The following ZNF385B variants were observed in gnomAD, a reference collection of about 807,000 sequenced individuals.
The protein encoded by ZNF385B is zinc finger protein 533.
A neutral mutation model predicts 39.2 loss-of-function variants in ZNF385B; 23 were observed. That is an observed-to-expected ratio of 0.59 (90% CI 0.42 to 0.83). The LOEUF (loss-of-function observed/expected upper bound fraction) is 0.83, where lower values mean the gene tolerates loss of function less well. Among genes scored for constraint, ZNF385B ranks in the 40% least tolerant of loss-of-function variants. The pLI is 0.00. For missense variants in ZNF385B, 552 were observed against 598.9 expected (o/e 0.92, Z 0.82); for synonymous variants, 205 against 222.6 (o/e 0.92, Z 0.70).
intron 3 of ZNF385B, among the ~76,000 whole-genome samples, chr2:179,717,828 G>A (rs912820257): frequency 6.6e-6 from 1 of 152,184 alleles, no homozygotes; most frequent in African/African-American, 2.4e-5. Context: ...TGAGGATGAG[G>A]AAAGCGAAAA....
chr2:179,588,815 G>A (rs1687316891), intron 3 of ZNF385B, among the ~76,000 whole-genome samples: 1 of 152,162 alleles, frequency 6.6e-6, no homozygotes, highest in Non-Finnish European at 1.5e-5. Context: ...ATGGTGGTGA[G>A]TCTGAAAAGG....
chr2:179,778,880 C>T (rs1704502767), intron 1 of ZNF385B, among the ~76,000 whole-genome samples: 1 of 152,156 alleles, frequency 6.6e-6, no homozygotes, highest in African/African-American at 2.4e-5. Flanking sequence ...GAACCACAAA[C>T]ATTACATGTT....
chr2:179,763,571 A>G (rs62180384), intron 3 of ZNF385B, among the ~76,000 whole-genome samples: 7,243 of 151,974 alleles, frequency 0.048, 253 homozygotes, highest in Middle Eastern at 0.099. Flanking sequence ...ATTCTTTTCT[A>G]GCTTCTTGGT....
chr2:179,719,286 A>G (rs563755003), intron 3 of ZNF385B, among the ~76,000 whole-genome samples: 3 of 152,154 alleles, frequency 2.0e-5, no homozygotes, highest in Non-Finnish European at 4.4e-5. Context: ...CAAGCTGGAG[A>G]GGAGGCAATC....
intron 3 of ZNF385B, among the ~76,000 whole-genome samples, chr2:179,582,802 C>T (rs946694209): frequency 6.6e-6 from 1 of 152,200 alleles, no homozygotes; most frequent in Non-Finnish European, 1.5e-5. Context: ...CTAATGTCAA[C>T]ATCTTATGTT....
intron 4 of ZNF385B, among the ~76,000 whole-genome samples, chr2:179,518,881 A>G (rs1559389586): frequency 6.6e-6 from 1 of 152,210 alleles, no homozygotes; most frequent in Non-Finnish European, 1.5e-5. Flanking sequence ...CGAGAGAATC[A>G]CCATATTTCC....
At chr2:179,473,096 G>A (rs989644893) in intron 6 of ZNF385B, among the ~76,000 whole-genome samples, 7 of 152,098 alleles carry the variant, frequency 4.6e-5, no homozygotes, top group Admixed American at 2.6e-4. Flanking sequence ...GGGGCTGCAG[G>A]GGACATAACA....
rs190535895 is a variant in ZNF385B at position 179,751,573 on chromosome 2, T to C, written c.298+17930A>G. On this transcript the variant is annotated intron_variant, in intron 3 of 9. Coordinates refer to ENST00000410066, the MANE Select transcript of ZNF385B (RefSeq NM_152520.6). ...TAAGAGTTATAATACCTATCATTAA[T>C]GTCCTGACCCCAGAAGCCATTTAAT... is the stretch of plus-strand genomic sequence containing the variant. Among the ~76,000 whole-genome samples, 672 of 152,256 alleles carry C rather than the reference T, an allele frequency of 4.4e-3. 2 individuals carry two copies. The highest frequency in any genetic ancestry group is 0.014 in the Middle Eastern group (4 of 294).
At chr2:179,776,681 G>A (rs571423032) in intron 1 of ZNF385B, among the ~76,000 whole-genome samples, 14 of 152,216 alleles carry the variant, frequency 9.2e-5, no homozygotes, top group African/African-American at 2.6e-4. Flanking sequence ...AGGGATGCTC[G>A]TGACCAACAA....
Position 179,446,665 on chromosome 2 carries a change from G to T in ZNF385B, c.821C>A (p.Ala274Asp). The T allele has an allele frequency of 6.2e-7, 1 of 1,614,072 alleles. No homozygotes were observed. The highest frequency in any genetic ancestry group is 8.5e-7 in the Non-Finnish European group (1 of 1,180,000). ...ATTTGTGCTCTTGGAGGGAGAAGTG[G>T]CTGCTCCAGGTGGCAGGGGTGTTGT... ...SGTTPLPPGA[A>D]TSPSKSTNGA... Residue 274 changes from alanine (A) to aspartate (D), a missense_variant, in exon 7 of 10, where the codon GCC becomes GAC. Physicochemically the swap from Ala to Asp is moderately radical, Grantham distance 126. Transcript: ENST00000410066.
Position 179,548,914 on chromosome 2 carries a change from T to C in ZNF385B, c.299-3945A>G, listed in dbSNP as rs1423404574. On this transcript the variant is annotated intron_variant, in intron 3 of 9. Coordinates refer to ENST00000410066, the MANE Select transcript of ZNF385B (RefSeq NM_152520.6). The stretch of plus-strand genomic sequence containing the variant: ...CATCACCACAATCAATTTTAGAACA[T>C]TTTCATGACATCTAAGGGAAACTTA... Among the ~76,000 whole-genome samples, 2 of 149,460 alleles carry C rather than the reference T, an allele frequency of 1.3e-5. 1 individual carries two copies. The highest frequency in any genetic ancestry group is 5.0e-5 in the African/African-American group (2 of 39,636).
chr2:179,469,753 G>A (rs1044391721), intron 6 of ZNF385B, among the ~76,000 whole-genome samples: 1 of 152,106 alleles, frequency 6.6e-6, no homozygotes, highest in South Asian at 2.1e-4. Flanking sequence ...ACTTAGGAAG[G>A]GTAGAGTCCT....
intron 5 of ZNF385B, among the ~76,000 whole-genome samples, chr2:179,489,550 A>G (rs979027376): frequency 4.2e-4 from 64 of 152,326 alleles, no homozygotes; most frequent in African/African-American, 1.5e-3. Flanking sequence ...TGCTATAGTT[A>G]AACATACTAA....
chr2:179,659,361 A>C (rs1240073187), intron 3 of ZNF385B, among the ~76,000 whole-genome samples: 2 of 152,200 alleles, frequency 1.3e-5, no homozygotes, highest in African/African-American at 4.8e-5. Flanking sequence ...ATAGTAAAAG[A>C]AGCATTTTAT....
chr2:179,811,456 C>T (rs1402712381), intron 1 of ZNF385B, among the ~76,000 whole-genome samples: 1 of 152,012 alleles, frequency 6.6e-6, no homozygotes, highest in Admixed American at 6.6e-5. Context: ...AACAGATTCA[C>T]AGATCAATGT....
At chr2:179,852,488 G>C (rs1441596768) in intron 1 of ZNF385B, among the ~76,000 whole-genome samples, 2 of 152,162 alleles carry the variant, frequency 1.3e-5, no homozygotes, top group Non-Finnish European at 2.9e-5. Context: ...ACCTCTTTTA[G>C]ATTTTGTAGG....
Position 179,693,225 on chromosome 2 carries a change from C to T in ZNF385B, c.298+76278G>A, listed in dbSNP as rs1427052506. On this transcript the variant is annotated intron_variant, in intron 3 of 9. Coordinates refer to ENST00000410066, the MANE Select transcript of ZNF385B (RefSeq NM_152520.6). ...CTACCAACTGTCAGGATAACGCACACTCATTTAAAGAAGAGAGGCTCACTT... is the reference window on the plus strand; with the variant it reads ...CTACCAACTGTCAGGATAACGCACATTCATTTAAAGAAGAGAGGCTCACTT... Among the ~76,000 whole-genome samples, 5 of 152,190 alleles carry T rather than the reference C, an allele frequency of 3.3e-5. No homozygotes were observed. In the East Asian group the frequency reaches 9.6e-4, roughly 29 times the overall value.
At chr2:179,853,400 A>G (rs542453529) in intron 1 of ZNF385B, among the ~76,000 whole-genome samples, 1 of 152,322 alleles carries the variant, frequency 6.6e-6, no homozygotes, top group African/African-American at 2.4e-5. Flanking sequence ...GTGTTAAGTT[A>G]CTTGGTCTTC....
chr2:179,493,295 A>G (rs946795061), intron 5 of ZNF385B, among the ~76,000 whole-genome samples: 2 of 152,046 alleles, frequency 1.3e-5, no homozygotes, highest in African/African-American at 4.8e-5. Flanking sequence ...ACAAAAGTGA[A>G]TACCATATAT....
Sources: gnomAD v4.1 joint callset for allele counts (sites outside exome capture counted in the v4.1 genomes callset) on GRCh38, gnomAD v4.1.1 for gene constraint, MANE v1.5 for transcripts, NCBI Gene and HGNC (gene_info 2026-07-23, HGNC 2026-07-21) for gene names.